Variants in PRKDC observed in about 807,000 individuals in gnomAD.
PRKDC encodes protein kinase, DNA-activated, catalytic subunit.
PRKDC carries 82 observed loss-of-function variants against 486.9 expected under a neutral mutation model. The observed-to-expected ratio is 0.17, with a 90% CI of 0.14 to 0.20. The LOEUF is 0.20. Among genes scored for constraint, PRKDC ranks in the 10% least tolerant of loss-of-function variants. The pLI is 1.00. For synonymous variants in PRKDC, 1,895 were observed against 1,837.0 expected (o/e 1.03, Z -0.81); for missense variants, 4,504 against 5,038.2 (o/e 0.89, Z 3.21).
rs1199583434 is a variant in PRKDC, at chr8:47,782,239, C to T, written c.11412G>A (p.Glu3804=). 2 of 1,613,826 alleles carry T rather than the reference C, an allele frequency of 1.2e-6. No homozygotes were observed. Among genetic ancestry groups the T allele is most frequent in the Non-Finnish European group, 1.7e-6 (2 of 1,179,800 alleles). Residue 3804 remains glutamate, a synonymous_variant, in exon 80 of 86, where the codon GAG becomes GAA. Coordinates refer to ENST00000314191, the MANE Select transcript of PRKDC (RefSeq NM_006904.7). The surrounding 1 kb of genome is among the most constrained non-coding windows in gnomAD (Gnocchi z 4.9). ...VPMTSRLGLI[E]WLENTVTLKD... Reference sequence around the variant, plus strand: ...TCAAGGTAACAGTATTTTCAAGCCACTCAATTAATCCTAACCTGAAAGGGA... The same window carrying T: ...TCAAGGTAACAGTATTTTCAAGCCATTCAATTAATCCTAACCTGAAAGGGA...
chr8:47,793,683 TAA>T (rs397892514), intron 74 of PRKDC, among the ~76,000 whole-genome samples: 328 of 72,800 alleles, frequency 4.5e-3, no homozygotes, highest in African/African-American at 0.016. Flanking sequence ...TTAAAAAAAC[TAA>T]AAAAAAAAAA....
chr8:47,934,531 T>C lies in PRKDC; in HGVS notation c.1498-441A>G, dbSNP rs8178026. Among the ~76,000 whole-genome samples, 439 of 152,050 alleles carry C rather than the reference T, an allele frequency of 2.9e-3. 3 individuals are homozygous for C. The highest frequency in any genetic ancestry group is 0.01 in the African/African-American group (430 of 41,444). On this transcript the variant is annotated intron_variant, in intron 14 of 85. Coordinates refer to ENST00000314191, the MANE Select transcript of PRKDC (RefSeq NM_006904.7). Reference sequence around the variant, plus strand: ...GCCTGGGTGACAGAGCGAGACTCTGTCTCAAAAAATAAATAAATAAATAAA... The same window carrying C: ...GCCTGGGTGACAGAGCGAGACTCTGCCTCAAAAAATAAATAAATAAATAAA...
At chr8:47,837,735 C>CA (rs141365923) in intron 56 of PRKDC, among the ~76,000 whole-genome samples, 1,618 of 141,892 alleles carry the variant, frequency 0.011, 29 homozygotes, top group African/African-American at 0.037. Flanking sequence ...CTATTTGAAA[C>CA]AAAAAAAAAA....
chr8:47,884,869 G>A (rs947086352), intron 36 of PRKDC, among the ~76,000 whole-genome samples: 3 of 152,168 alleles, frequency 2.0e-5, no homozygotes, highest in Non-Finnish European at 4.4e-5. Flanking sequence ...GGGAGAAAGG[G>A]GGACACAGCA....
intron 70 of PRKDC, among the ~76,000 whole-genome samples, chr8:47,801,664 TA>T (rs1315319601): frequency 6.6e-6 from 1 of 152,208 alleles, no homozygotes; most frequent in Non-Finnish European, 1.5e-5. Flanking sequence ...AGTAGATCTT[TA>T]AATTGGCACT....
chr8:47,924,242 G>C (rs1589795924), intron 21 of PRKDC, among the ~76,000 whole-genome samples: 1 of 152,056 alleles, frequency 6.6e-6, no homozygotes. Flanking sequence ...TGGAACCAAG[G>C]AGTCCTGGTT....
In PRKDC at chr8:47,893,116, A is replaced by G. The variant is rs750691150; in HGVS notation, c.3847+23T>C. 3 of 1,562,530 alleles carry G rather than the reference A, an allele frequency of 1.9e-6. No homozygotes were observed. In the Admixed American group the frequency reaches 5.3e-5, roughly 27 times the overall value. Reference sequence around the variant, plus strand: ...TGACTCTGGCAGCACGACACACACCAGAATAAGGCAAGGGTGACCTACCTA... The same window carrying G: ...TGACTCTGGCAGCACGACACACACCGGAATAAGGCAAGGGTGACCTACCTA... On this transcript the variant is annotated intron_variant, in intron 31 of 85. Transcript: ENST00000314191.
chr8:47,953,577 T>TA, intron 7 of PRKDC, 43 bp downstream of exon 7: 2 of 1,523,092 alleles, frequency 1.3e-6, no homozygotes, highest in Non-Finnish European at 1.8e-6. Flanking sequence ...TGGTTAGACT[T>TA]ACAGTTTTTG....
Position 47,873,610 on chromosome 8 carries a change from C to T in PRKDC, c.5363+4114G>A, listed in dbSNP as rs138013109. Among the ~76,000 whole-genome samples, 4 of 152,182 alleles carry T rather than the reference C, an allele frequency of 2.6e-5. No homozygotes were observed. In the East Asian group the frequency reaches 7.7e-4, roughly 29 times the overall value. ...CACAACAGCCAAAACTTGGAAGCAACGTATGTGTCCATCAACAGACAAATG... is the reference window on the plus strand; with the variant it reads ...CACAACAGCCAAAACTTGGAAGCAATGTATGTGTCCATCAACAGACAAATG... On this transcript the variant is annotated intron_variant, in intron 40 of 85. Coordinates refer to ENST00000314191, the MANE Select transcript of PRKDC (RefSeq NM_006904.7).
rs563542265 is a variant in PRKDC, at chr8:47,927,965, C to A, written c.2140-75G>T. ...GAAAATCAACTAAAAAGTATTTGCCCTATTCTCAAATACAAAAATTGGCAC... is the reference window on the plus strand; with the variant it reads ...GAAAATCAACTAAAAAGTATTTGCCATATTCTCAAATACAAAAATTGGCAC... On this transcript the variant is annotated intron_variant, in intron 19 of 85. Transcript: ENST00000314191. 4.6e-5 allele frequency: 59 copies of A among 1,274,508 alleles called. No individual in the cohort carries two copies. The African/African-American group carries it at 7.7e-4, about 17-fold the overall frequency. The allele number at this position is 1,274,508 out of a possible 1,614,324, so 78.9% of individuals were successfully genotyped here.
intron 22 of PRKDC, 109 bp downstream of exon 22, chr8:47,918,168 T>C: frequency 1.4e-6 from 1 of 722,782 alleles, no homozygotes; most frequent in Non-Finnish European, 2.2e-6. Flanking sequence ...GTACTCTACT[T>C]TGTATACAAA....
At chr8:47,922,278 G>A (rs1015825762) in intron 21 of PRKDC, among the ~76,000 whole-genome samples, 7 of 152,024 alleles carry the variant, frequency 4.6e-5, no homozygotes, top group East Asian at 3.8e-4. Flanking sequence ...AACCACAGGC[G>A]TATACCACCA....
intron 74 of PRKDC, among the ~76,000 whole-genome samples, chr8:47,790,694 G>T (rs1482475416): frequency 6.6e-6 from 1 of 152,174 alleles, no homozygotes; most frequent in Non-Finnish European, 1.5e-5. Context: ...CAAACAGCAT[G>T]ACACTGGCAT....
chr8:47,798,378 C>T lies in PRKDC; in HGVS notation c.10317G>A (p.Leu3439=), dbSNP rs2087023683. The T allele has an allele frequency of 7.5e-6, 12 of 1,602,540 alleles. No homozygotes were observed. The highest frequency in any genetic ancestry group is 1.7e-4 in the Middle Eastern group (1 of 6,002). Reference sequence around the variant, plus strand: ...CCACCACAAGTGCTGGATACGCCTGCAGTTCTGCAGAATCAATAACTATCA... The same window carrying T: ...CCACCACAAGTGCTGGATACGCCTGTAGTTCTGCAGAATCAATAACTATCA... ...ENASVIDSAE[L]QAYPALVVEK... is the part of the protein sequence containing the mutation. The change falls in exon 73 of 86, where the codon CTG becomes CTA. Residue 3439 remains leucine, a synonymous_variant. Coordinates refer to ENST00000314191, the MANE Select transcript of PRKDC (RefSeq NM_006904.7).
Position 47,939,650 on chromosome 8 carries a change from C to A in PRKDC, c.1014G>T (p.Leu338=). The change falls in exon 11 of 86, where the codon CTG becomes CTT. Residue 338 remains leucine, a synonymous_variant. Transcript: ENST00000314191. ...CATAAAACTGCTCCATAAAGTACTG[C>A]AGTTTATTTTTATGCATTTCTGCAT... ...AKNAEMHKNK[L]QYFMEQFYGI... 1 of 1,610,916 alleles carries A rather than the reference C, an allele frequency of 6.2e-7. No individual in the cohort carries two copies. Among genetic ancestry groups the A allele is most frequent in the Non-Finnish European group, 8.5e-7 (1 of 1,178,532 alleles).
chr8:47,893,249 C>A lies in PRKDC; in HGVS notation c.3737G>T (p.Gly1246Val). ...TAGCGTGGCCTGCAGGCTGAATGGC[C>A]CCCGAAGGTACAAGAGGGTGGGCTG... is the stretch of plus-strand genomic sequence containing the variant. ...LAQPTLLYLR[G>V]PFSLQATLCW... The change falls in exon 31 of 86, where the codon GGG becomes GTG. Residue 1246 changes from glycine to valine, a missense_variant. Gly to Val is a moderately radical substitution (Grantham distance 109). Around this residue, in one of 6 missense-constraint regions of PRKDC, gnomAD observed 1,969 missense variants for 2,068.9 expected, o/e 0.95. Coordinates refer to ENST00000314191, the MANE Select transcript of PRKDC (RefSeq NM_006904.7). 1.2e-6 allele frequency: 2 copies of A among 1,612,446 alleles called. No homozygotes were observed. The highest frequency in any genetic ancestry group is 1.7e-6 in the Non-Finnish European group (2 of 1,179,150).
At chr8:47,865,567 T>G (rs2088789731) in intron 40 of PRKDC, among the ~76,000 whole-genome samples, 3 of 152,140 alleles carry the variant, frequency 2.0e-5, no homozygotes, top group Admixed American at 2.0e-4. Context: ...AAATTAAGAA[T>G]GCAGAGTTAG....
At position 47,801,003 on chromosome 8, in the gene PRKDC, A is replaced by AT. The variant is rs761881626; in HGVS notation, c.9923-18_9923-17insA. The AT allele has an allele frequency of 6.2e-7, 1 of 1,600,542 alleles. No individual in the cohort carries two copies. The highest frequency in any genetic ancestry group is 1.1e-5 in the South Asian group (1 of 89,834). On this transcript the variant is annotated splice_polypyrimidine_tract_variant and intron_variant, in intron 70 of 85. Coordinates refer to ENST00000314191, the MANE Select transcript of PRKDC (RefSeq NM_006904.7). ...TGTTCTCATCTGTTGGATTAAAAAAACAAAACAAAACAAAATTTTGTATGT... is the reference window on the plus strand; with the variant it reads ...TGTTCTCATCTGTTGGATTAAAAAAATCAAAACAAAACAAAATTTTGTATGT...
Position 47,836,366 on chromosome 8 carries a change from C to T in PRKDC, c.7923G>A (p.Gln2641=), listed in dbSNP as rs372294408. 3.1e-6 allele frequency: 5 copies of T among 1,602,056 alleles called. No individual in the cohort carries two copies. Among genetic ancestry groups the T allele is most frequent in the African/African-American group, 1.3e-5 (1 of 74,634 alleles). The change falls in exon 58 of 86, where the codon CAG becomes CAA. Residue 2641 remains glutamine, a synonymous_variant. Coordinates refer to ENST00000314191, the MANE Select transcript of PRKDC (RefSeq NM_006904.7). Reference sequence around the variant, plus strand: ...CAGTCTGTGTCAGTGTGAAGTCATGCTGCTGCTGGGTGGCCCTTATCTGCC... The same window carrying T: ...CAGTCTGTGTCAGTGTGAAGTCATGTTGCTGCTGGGTGGCCCTTATCTGCC... The part of the protein sequence containing the change: ...VAGQIRATQQ[Q]HDFTLTQTAD...
Sources: gnomAD v4.1 joint callset for allele counts (sites outside exome capture counted in the v4.1 genomes callset) on GRCh38, gnomAD v4.1.1 for gene constraint, gnomAD v4.1.1 regional missense constraint, Gnocchi (gnomAD v3.1) non-coding constraint, MANE v1.5 for transcripts, NCBI Gene and HGNC (gene_info 2026-07-23, HGNC 2026-07-21) for gene names.